The following LRGUK variants were observed in gnomAD, a reference collection of about 807,000 sequenced individuals.
The protein encoded by LRGUK is leucine rich repeats and guanylate kinase domain containing, also known as leucine-rich repeat and guanylate kinase domain-containing protein.
LRGUK carries 65 observed loss-of-function variants against 76.0 expected under a neutral mutation model. The ratio of observed to expected loss-of-function variants is 0.85; its 90% CI spans 0.70 to 1.05. LRGUK has a LOEUF of 1.05. Ranked by LOEUF, LRGUK falls within the 50% of genes least tolerant of loss-of-function variation. The pLI is 0.00. For synonymous variants in LRGUK, 268 were observed against 265.6 expected, an observed-to-expected ratio of 1.01 and a Z score of -0.09; for missense variants, 758 against 732.8, an observed-to-expected ratio of 1.03 and a Z score of -0.40.
chr7:134,261,203 C>G (rs1802717167), intron 19 of LRGUK, among the ~76,000 whole-genome samples: 1 of 152,172 alleles, frequency 6.6e-6, no homozygotes, highest in Non-Finnish European at 1.5e-5. Flanking sequence ...GCAACTATAT[C>G]ATACTGCTGG....
At chr7:134,246,449 A>C (rs575804923) in intron 16 of LRGUK, among the ~76,000 whole-genome samples, 4 of 152,364 alleles carry the variant, frequency 2.6e-5, no homozygotes, top group African/African-American at 9.6e-5. Flanking sequence ...AATTCTTAAA[A>C]CTTGATTTTT....
intron 7 of LRGUK, among the ~76,000 whole-genome samples, chr7:134,166,607 C>T (rs1431809978): frequency 6.6e-6 from 1 of 152,132 alleles, no homozygotes; most frequent in Non-Finnish European, 1.5e-5. Flanking sequence ...ATGGAGAGAA[C>T]TTGAATCCTG....
the LRGUK span, among the ~76,000 whole-genome samples, chr7:134,275,908 G>T: frequency 3.1e-4 from 47 of 152,248 alleles, no homozygotes; most frequent in Non-Finnish European, 6.0e-4. Flanking sequence ...CAAAAAGAAA[G>T]AAAAATGTTT....
At chr7:134,184,049 A>G (rs1799874373) in intron 11 of LRGUK, among the ~76,000 whole-genome samples, 196 bp downstream of exon 11, 3 of 152,210 alleles carry the variant, frequency 2.0e-5, no homozygotes, top group Admixed American at 1.3e-4. Flanking sequence ...TGAATGTTCA[A>G]TAGATATTAA....
rs1382711421 is a variant in LRGUK, at chr7:134,221,903, C to CA, written c.1975dup (p.Thr659AsnfsTer26). The CA allele has an allele frequency of 5.0e-6, 8 of 1,588,398 alleles. No individual in the cohort carries two copies. The highest frequency in any genetic ancestry group is 2.3e-5 in the East Asian group (1 of 43,228). ...TTAAATTTTGGGCCAAACTTTCAGC[C>CA]AAAAAAACACCAGCGGTAAGAGAGG... On this transcript the variant is annotated frameshift_variant, in exon 16 of 20. Coordinates refer to the LRGUK transcript ENST00000285928. LOFTEE classifies it high-confidence loss of function.
At chr7:134,220,158 T>A (rs1801549751) in intron 15 of LRGUK, among the ~76,000 whole-genome samples, 1 of 152,224 alleles carries the variant, frequency 6.6e-6, no homozygotes, top group Non-Finnish European at 1.5e-5. Flanking sequence ...TGTTTCTGCA[T>A]ACAGTTGTCT....
At chr7:134,141,420 C>T (rs1797760541) in intron 3 of LRGUK, among the ~76,000 whole-genome samples, 1 of 152,120 alleles carries the variant, frequency 6.6e-6, no homozygotes, top group African/African-American at 2.4e-5. Flanking sequence ...GGACCACATG[C>T]CGAAAACCAG....
chr7:134,177,063 G>T (rs775565024), exon 9 of LRGUK: 1 of 1,578,682 alleles, frequency 6.3e-7, no homozygotes, highest in Non-Finnish European at 8.7e-7. Context: ...TGGAAGAAAA[G>T]GTATGTAATC....
At chr7:134,217,528 A>T (rs1801466742) in intron 15 of LRGUK, among the ~76,000 whole-genome samples, 1 of 152,140 alleles carries the variant, frequency 6.6e-6, no homozygotes, top group Admixed American at 6.5e-5. Flanking sequence ...TTCTACTCTA[A>T]AAGTTTATTT....
chr7:134,185,527 C>CA (rs568408754), intron 11 of LRGUK, among the ~76,000 whole-genome samples: 3,504 of 119,834 alleles, frequency 0.029, 45 homozygotes, highest in Middle Eastern at 0.053. Flanking sequence ...GACTCTGTCT[C>CA]AAAAAAAAAA....
chr7:134,195,646 A>AACATCTTCCAAGTTG (rs1283142264), intron 12 of LRGUK, among the ~76,000 whole-genome samples: 1 of 152,116 alleles, frequency 6.6e-6, no homozygotes, highest in African/African-American at 2.4e-5. Flanking sequence ...TCTCACCCCA[A>AACATCTTCCAAGTTG]ACATCTTCCA....
intron 15 of LRGUK, among the ~76,000 whole-genome samples, chr7:134,204,453 G>A (rs1173567972): frequency 6.6e-6 from 1 of 152,184 alleles, no homozygotes; most frequent in East Asian, 1.9e-4. Context: ...GAGCCATCTA[G>A]TTACTGACTA....
intron 11 of LRGUK, among the ~76,000 whole-genome samples, chr7:134,186,165 C>T (rs1799973515): frequency 1.3e-5 from 2 of 152,162 alleles, no homozygotes; most frequent in South Asian, 4.1e-4. Flanking sequence ...TAGCCCAGTC[C>T]TGTTTATTTC....
chr7:134,272,711 C>T, the LRGUK span, among the ~76,000 whole-genome samples: 6 of 152,090 alleles, frequency 3.9e-5, no homozygotes, highest in Non-Finnish European at 7.4e-5. Flanking sequence ...ATGAAAATTA[C>T]TTTGTCTGAA....
chr7:134,262,680 A>C (rs1802760316), intron 19 of LRGUK, among the ~76,000 whole-genome samples: 1 of 152,158 alleles, frequency 6.6e-6, no homozygotes, highest in Non-Finnish European at 1.5e-5. Context: ...CCAGCAAACA[A>C]GGAAGGGCCA....
chr7:134,274,453 T>G, the LRGUK span, among the ~76,000 whole-genome samples: 1 of 152,228 alleles, frequency 6.6e-6, no homozygotes, highest in Non-Finnish European at 1.5e-5. Context: ...AAAGAAAATC[T>G]GTGATATAAA....
At position 134,263,008 on chromosome 7, in the gene LRGUK, T is replaced by C. The variant is rs554044430; in HGVS notation, c.2348-837T>C. Reference sequence around the variant, plus strand: ...AAAAAAAAAAAGGAGGAGTTTTTTTTCTTTTCTTTTGCTGATAACAATATC... The same window carrying C: ...AAAAAAAAAAAGGAGGAGTTTTTTTCCTTTTCTTTTGCTGATAACAATATC... On this transcript the variant is annotated intron_variant, in intron 19 of 19. Coordinates refer to the LRGUK transcript ENST00000285928. 3.3e-5 allele frequency among the ~76,000 whole-genome samples: 5 copies of C among 151,838 alleles called. No homozygotes were observed. In the East Asian group the frequency reaches 7.8e-4, roughly 24 times the overall value.
chr7:134,178,410 G>A (rs1164674789), intron 9 of LRGUK, 93 bp from the exon 10 acceptor site: 10 of 846,528 alleles, frequency 1.2e-5, no homozygotes, highest in East Asian at 2.7e-5. Flanking sequence ...CTGGCTGCAC[G>A]TGAACAACAT....
At chr7:134,274,388 A>C in the LRGUK span, among the ~76,000 whole-genome samples, 1 of 152,176 alleles carries the variant, frequency 6.6e-6, no homozygotes, top group African/African-American at 2.4e-5. Flanking sequence ...AATTTTATTG[A>C]TGTTCTTTTT....
Sources: allele counts gnomAD v4.1 joint callset (sites outside exome capture counted in the v4.1 genomes callset), GRCh38; gene constraint gnomAD v4.1.1; transcripts MANE v1.5; gene names NCBI Gene and HGNC (gene_info 2026-07-23, HGNC 2026-07-21).